The following COL21A1 variants were observed in gnomAD, a reference collection of about 807,000 sequenced individuals.
COL21A1 encodes the protein collagen alpha-1(XXI) chain.
COL21A1 carries 149 observed loss-of-function variants against 137.9 expected under a neutral mutation model. The observed-to-expected ratio is 1.08, with a 90% CI of 0.95 to 1.24. The LOEUF is 1.24. COL21A1 is among the 50% of genes most tolerant of loss of function. The pLI is 0.00. For missense variants in COL21A1, 1,167 were observed against 1,158.4 expected (o/e 1.01, Z -0.11); for synonymous variants, 456 against 391.5 (o/e 1.16, Z -1.95).
intron 1 of COL21A1, among the ~76,000 whole-genome samples, chr6:56,236,286 T>C (rs1781893001): frequency 1.3e-5 from 2 of 151,916 alleles, no homozygotes; most frequent in Non-Finnish European, 2.9e-5. Context: ...CACAACTAGG[T>C]CTAAAGCCTG....
chr6:56,281,695 G>A (rs1447690432), intron 1 of COL21A1, among the ~76,000 whole-genome samples: 2 of 152,150 alleles, frequency 1.3e-5, no homozygotes, highest in Non-Finnish European at 2.9e-5. Flanking sequence ...TCCATGGCCT[G>A]TGATTTGAGT....
At position 56,269,373 on chromosome 6, in the gene COL21A1, C is replaced by T. The variant is rs535215789; in HGVS notation, c.-38-86717G>A. Among the ~76,000 whole-genome samples, 239 of 152,190 alleles carry T rather than the reference C, an allele frequency of 1.6e-3. 1 individual carries two copies. The highest frequency in any genetic ancestry group is 4.1e-3 in the Admixed American group (62 of 15,290). ...AGGCAGCTAGAAAGAAGTGACAGGT[C>T]GGCCGGGCGCGGTGGCTCACGCCTG... On this transcript the variant is annotated intron_variant, in intron 1 of 28. Transcript: ENST00000370819.
rs1448667113 is a variant in COL21A1 at position 56,179,792 on chromosome 6, A to G, written c.426T>C (p.Leu142=). Reference sequence around the variant, plus strand: ...CGTCATCTTGGGATTTGCCATCCGTAAGTACCACTGCTATCTTAGTCAGAA... The same window carrying G: ...CGTCATCTTGGGATTTGCCATCCGTGAGTACCACTGCTATCTTAGTCAGAA... ...SRFLTKIAVV[L]TDGKSQDDVK... The change falls in exon 3 of 30, where the codon CTT becomes CTC. Residue 142 remains leucine, a synonymous_variant. Transcript: ENST00000244728. 3.7e-6 allele frequency: 6 copies of G among 1,613,778 alleles called. No homozygotes were observed. The highest frequency in any genetic ancestry group is 5.1e-6 in the Non-Finnish European group (6 of 1,179,826).
At chr6:56,298,980 C>G (rs1221803610) in intron 1 of COL21A1, among the ~76,000 whole-genome samples, 1 of 152,126 alleles carries the variant, frequency 6.6e-6, no homozygotes, top group African/African-American at 2.4e-5. Context: ...TCTACACAAT[C>G]ACAGTAAACA....
intron 16 of COL21A1, among the ~76,000 whole-genome samples, chr6:56,108,387 G>C (rs1345384197): frequency 6.6e-6 from 1 of 151,834 alleles, no homozygotes; most frequent in East Asian, 1.9e-4. Context: ...GACTCAAAAA[G>C]CTAAAGCTAG....
At chr6:56,383,893 C>T (rs2094012955) in intron 1 of COL21A1, among the ~76,000 whole-genome samples, 1 of 152,118 alleles carries the variant, frequency 6.6e-6, no homozygotes, top group Admixed American at 6.6e-5. Flanking sequence ...TTTTGATCCC[C>T]CTTTCCTCTA....
chr6:56,197,006 C>T (rs867683648), intron 1 of COL21A1, among the ~76,000 whole-genome samples: 2 of 152,012 alleles, frequency 1.3e-5, no homozygotes, highest in African/African-American at 4.8e-5. Flanking sequence ...GTAATTAAAA[C>T]AATATGGCAC....
At chr6:56,149,929 G>A (rs904204525) in intron 10 of COL21A1, among the ~76,000 whole-genome samples, 5 of 151,960 alleles carry the variant, frequency 3.3e-5, no homozygotes, top group South Asian at 2.1e-4. Flanking sequence ...AAATCACATC[G>A]GTCTCCTACT....
At chr6:56,227,077 A>G (rs1781251875) in intron 1 of COL21A1, among the ~76,000 whole-genome samples, 1 of 152,000 alleles carries the variant, frequency 6.6e-6, no homozygotes, top group South Asian at 2.1e-4. Flanking sequence ...ATACAGTTCC[A>G]GATCATGAAA....
intron 3 of COL21A1, among the ~76,000 whole-genome samples, chr6:56,171,829 A>G (rs961523409): frequency 6.6e-5 from 10 of 151,894 alleles, no homozygotes; most frequent in African/African-American, 2.2e-4. Context: ...AGTCAGCTAT[A>G]TAGGTAATAA....
intron 1 of COL21A1, among the ~76,000 whole-genome samples, chr6:56,321,867 AT>A (rs560120685): frequency 2.6e-4 from 40 of 152,260 alleles, no homozygotes; most frequent in African/African-American, 8.9e-4. Context: ...TTTGAAGCAA[AT>A]TGGAAAGGTG....
rs371001704 is a variant in COL21A1, at chr6:56,126,143, G to A, written c.1549C>T (p.Arg517Cys). The A allele has an allele frequency of 3.2e-5, 50 of 1,544,606 alleles. No homozygotes were observed. The Middle Eastern group carries it at 8.4e-4, about 26-fold the overall frequency. Residue 517 changes from arginine (R) to cysteine (C), a missense_variant, in exon 13 of 30, where the codon CGT (arginine) becomes TGT (cysteine). By Grantham distance (180) the Arg-to-Cys change is radical. Coordinates refer to ENST00000244728, the MANE Select transcript of COL21A1 (RefSeq NM_030820.4). ...EPGRDGDKGD[R>C]GLPGFPGLHG... ...AGCCCAGGAAAACCAGGAAGTCCAC[G>A]ATCACCCTGAAAATAAAACTGAAAT...
At chr6:56,110,453 C>A (rs901662684) in intron 16 of COL21A1, among the ~76,000 whole-genome samples, 1 of 151,420 alleles carries the variant, frequency 6.6e-6, no homozygotes, top group African/African-American at 2.4e-5. Flanking sequence ...GTGCTTTTAT[C>A]CCTTCTATTT....
intron 23 of COL21A1, among the ~76,000 whole-genome samples, chr6:56,066,004 G>A (rs945791117): frequency 2.0e-5 from 3 of 151,846 alleles, no homozygotes; most frequent in South Asian, 2.1e-4. Context: ...ATTTAGCATC[G>A]ATTATCATGA....
chr6:56,367,947 A>G (rs1766138439), intron 1 of COL21A1, among the ~76,000 whole-genome samples: 1 of 152,184 alleles, frequency 6.6e-6, no homozygotes, highest in Admixed American at 6.5e-5. Context: ...TTCCTGGACT[A>G]AAGTGATCTG....
At chr6:56,373,264 CT>C (rs1164434693) in intron 1 of COL21A1, among the ~76,000 whole-genome samples, 1 of 152,190 alleles carries the variant, frequency 6.6e-6, no homozygotes, top group Non-Finnish European at 1.5e-5. Flanking sequence ...GGGATTCCAT[CT>C]GCTACTTACT....
intron 1 of COL21A1, among the ~76,000 whole-genome samples, chr6:56,227,823 T>C (rs920880088): frequency 2.0e-5 from 3 of 152,006 alleles, no homozygotes; most frequent in Non-Finnish European, 4.4e-5. Flanking sequence ...AATGGAGGTA[T>C]GTGCTAGGCA....
chr6:56,384,723 A>T (rs1451175214), intron 1 of COL21A1, among the ~76,000 whole-genome samples: 1 of 152,160 alleles, frequency 6.6e-6, no homozygotes, highest in African/African-American at 2.4e-5. Context: ...TGGTAAGAGC[A>T]CCAGCCTGGA....
intron 16 of COL21A1, among the ~76,000 whole-genome samples, chr6:56,102,037 C>A (rs946016218): frequency 2.0e-5 from 3 of 152,054 alleles, no homozygotes; most frequent in African/African-American, 7.2e-5. Context: ...ATCTATAATG[C>A]ATATTTTAGG....
Sources: gnomAD v4.1 joint callset for allele counts (sites outside exome capture counted in the v4.1 genomes callset) on GRCh38, gnomAD v4.1.1 for gene constraint, MANE v1.5 for transcripts, NCBI Gene and HGNC (gene_info 2026-07-23, HGNC 2026-07-21) for gene names.